The following FAM20C variants were observed in gnomAD, a reference collection of about 807,000 sequenced individuals.
FAM20C encodes the protein extracellular serine/threonine protein kinase FAM20C.
FAM20C carries 40 observed loss-of-function variants against 51.5 expected under a neutral mutation model. The observed-to-expected ratio is 0.78, with a 90% confidence interval of 0.60 to 1.01. The LOEUF (loss-of-function observed/expected upper bound fraction) is 1.01. Among genes scored for constraint, FAM20C ranks in the 50% least tolerant of loss-of-function variants. The pLI is 0.00. For missense variants in FAM20C, 861 were observed against 844.7 expected (o/e 1.02, Z -0.24); for synonymous variants, 406 against 380.6 (o/e 1.07, Z -0.78).
Position 258,651 on chromosome 7 carries a change from G to T in FAM20C, c.1451G>T (p.Gly484Val), listed in dbSNP as rs1332649309. The change falls in exon 9 of 10, where the codon GGG (glycine) becomes GTG (valine). Residue 484 changes from glycine to valine, a missense_variant. Coordinates refer to ENST00000313766, the MANE Select transcript of FAM20C (RefSeq NM_020223.4). Reference sequence around the variant, plus strand: ...TTCTGCTTTTCTTCTGGAAGGTTTGGGAAGTATTCGCACGACGAGCTCTCC... The same window carrying T: ...TTCTGCTTTTCTTCTGGAAGGTTTGTGAAGTATTCGCACGACGAGCTCTCC... ...IIHLDNGRGF[G>V]KYSHDELSIL... The T allele has an allele frequency of 2.0e-6, 3 of 1,536,772 alleles. No individual in the cohort carries two copies. In the South Asian group the frequency reaches 3.6e-5, roughly 18 times the overall value.
chr7:201,696 T>C (rs1583281277), intron 2 of FAM20C, among the ~76,000 whole-genome samples: 2 of 152,340 alleles, frequency 1.3e-5, no homozygotes. Context: ...CATCTTTCTA[T>C]GTAAGACGCT....
At chr7:241,972 G>C (rs1206282187) in intron 3 of FAM20C, among the ~76,000 whole-genome samples, 2 of 152,296 alleles carry the variant, frequency 1.3e-5, no homozygotes, top group East Asian at 3.9e-4. Context: ...TGGGTGGTTA[G>C]AACTAAACCA....
chr7:223,526 C>T (rs569383298), intron 3 of FAM20C, among the ~76,000 whole-genome samples: 214 of 152,294 alleles, frequency 1.4e-3, no homozygotes, highest in Non-Finnish European at 2.1e-3. Context: ...GAGGGGCAGG[C>T]GGGCACATGG....
chr7:260,214 C>A lies in FAM20C; in HGVS notation c.*234C>A. 2 of 505,774 alleles carry A rather than the reference C, an allele frequency of 4.0e-6. No homozygotes were observed. The highest frequency in any genetic ancestry group is 6.6e-6 in the Non-Finnish European group (2 of 302,562). 31.3% of individuals were successfully genotyped at this position (505,774 alleles called of 1,614,324 possible). Reference sequence around the variant, plus strand: ...GTCTGTGCTCACGGACAGAGGCGGCCGGCGCCGGAGGCATTCCATCCTTTC... The same window carrying A: ...GTCTGTGCTCACGGACAGAGGCGGCAGGCGCCGGAGGCATTCCATCCTTTC... On this transcript the variant is annotated 3_prime_UTR_variant, in exon 10 of 10. Coordinates refer to ENST00000313766, the MANE Select transcript of FAM20C (RefSeq NM_020223.4).
chr7:243,938 A>ATTATTATTATTATTATT (rs1554254448), intron 3 of FAM20C, among the ~76,000 whole-genome samples: 3 of 113,174 alleles, frequency 2.7e-5, no homozygotes, highest in African/African-American at 9.4e-5. Flanking sequence ...TAATAATAAT[A>ATTATTATTATTATTATT]ATAATAATTA....
intron 3 of FAM20C, among the ~76,000 whole-genome samples, chr7:209,696 G>A (rs774369261): frequency 3.3e-5 from 5 of 152,206 alleles, no homozygotes; most frequent in African/African-American, 7.2e-5. Context: ...AGGGGCCAGC[G>A]GCCTGTCAGC....
At position 227,202 on chromosome 7, in the gene FAM20C, G is replaced by A. The variant is rs376747475; in HGVS notation, c.863+18226G>A. On this transcript the variant is annotated intron_variant, in intron 3 of 9. Transcript: ENST00000313766. Reference sequence around the variant, plus strand: ...ATTTTCTCCAGTTATGACGGTCGCCGGGGTGCCGCTAGTGTGTGGGCCATC... The same window carrying A: ...ATTTTCTCCAGTTATGACGGTCGCCAGGGTGCCGCTAGTGTGTGGGCCATC... Among the ~76,000 whole-genome samples the A allele has an allele frequency of 7.6e-4, 116 of 152,072 alleles. 1 individual carries two copies. The highest frequency in any genetic ancestry group is 6.2e-4 in the Non-Finnish European group (42 of 67,996).
chr7:201,315 G>A (rs555541565), intron 2 of FAM20C, among the ~76,000 whole-genome samples: 17 of 152,320 alleles, frequency 1.1e-4, no homozygotes, highest in South Asian at 4.1e-4. Flanking sequence ...CCACGCTGAC[G>A]GCAGCATCTC....
chr7:222,082 G>T (rs1285952730), intron 3 of FAM20C, among the ~76,000 whole-genome samples: 1 of 104,678 alleles, frequency 9.6e-6, no homozygotes, highest in Non-Finnish European at 2.2e-5. Flanking sequence ...GGCTGCAGGA[G>T]CCGTTCTTAG....
chr7:244,892 A>AC (rs1788086035), intron 3 of FAM20C, among the ~76,000 whole-genome samples: 1 of 151,944 alleles, frequency 6.6e-6, no homozygotes, highest in South Asian at 2.1e-4. Flanking sequence ...CACATCTTTA[A>AC]CCCCCCATAA....
At chr7:201,802 A>G (rs890179772) in intron 2 of FAM20C, among the ~76,000 whole-genome samples, 12 of 152,124 alleles carry the variant, frequency 7.9e-5, no homozygotes, top group African/African-American at 2.9e-4. Context: ...CCGGGGAGAG[A>G]CTGTGGGCAA....
intron 3 of FAM20C, among the ~76,000 whole-genome samples, chr7:223,929 C>T (rs1364064637): frequency 6.6e-6 from 1 of 152,146 alleles, no homozygotes; most frequent in Non-Finnish European, 1.5e-5. Flanking sequence ...CCCTGAGGGG[C>T]ACCTGGGACC....
chr7:223,061 A>G (rs1273228558), intron 3 of FAM20C, among the ~76,000 whole-genome samples: 1 of 151,914 alleles, frequency 6.6e-6, no homozygotes, highest in African/African-American at 2.4e-5. Flanking sequence ...GTGCACACTC[A>G]TGCACGTGTG....
intron 3 of FAM20C, among the ~76,000 whole-genome samples, chr7:220,427 C>CAT (rs56054964): frequency 0.87 from 133,098 of 152,132 alleles, 58,509 homozygotes; most frequent in South Asian, 0.92. Flanking sequence ...GGTCAACGCA[C>CAT]GTGAACAAAT....
intron 5 of FAM20C, among the ~76,000 whole-genome samples, chr7:254,401 C>A (rs1788514135): frequency 6.6e-6 from 1 of 152,238 alleles, no homozygotes; most frequent in Admixed American, 6.5e-5. Context: ...CCCAACAAAA[C>A]CACGTTCTCA....
intron 3 of FAM20C, among the ~76,000 whole-genome samples, chr7:223,283 G>C (rs1416953467): frequency 1.3e-5 from 2 of 152,198 alleles, no homozygotes; most frequent in African/African-American, 4.8e-5. Flanking sequence ...CGTGTTGTCA[G>C]ATCGTCCGCT....
At chr7:211,918 G>A (rs886397785) in intron 3 of FAM20C, among the ~76,000 whole-genome samples, 3 of 150,896 alleles carry the variant, frequency 2.0e-5, no homozygotes, top group African/African-American at 7.4e-5. Context: ...CTCCCAGCTC[G>A]GTCCTCTCAC....
rs1330514508 is a variant in FAM20C, at chr7:246,420, C to T, written c.869C>T (p.Thr290Met). Residue 290 changes from threonine to methionine, a missense_variant, in exon 4 of 10, where the codon ACG becomes ATG. Physicochemically the swap from Thr to Met is moderately conservative, Grantham distance 81. This residue lies in a region of FAM20C where 561 missense variants were observed against 499.8 expected (regional missense o/e 1.12). Coordinates refer to ENST00000313766, the MANE Select transcript of FAM20C (RefSeq NM_020223.4). ...TTTCTGTCTTGTTTTCTCAGACAAA[C>T]GAGGGAGCAGGAGACACCCCCTGAC... Reference protein sequence around the residue: ...GQALFKPMKQTREQETPPDFF... With the variant: ...GQALFKPMKQMREQETPPDFF... The T allele has an allele frequency of 1.6e-5, 22 of 1,403,518 alleles. No homozygotes were observed. The highest frequency in any genetic ancestry group is 1.8e-4 in the Middle Eastern group (1 of 5,498). The allele number at this position is 1,403,518 out of a possible 1,614,324, so 86.9% of individuals were successfully genotyped here.
intron 2 of FAM20C, among the ~76,000 whole-genome samples, chr7:208,480 TG>T (rs1786545465): frequency 3.6e-4 from 44 of 123,796 alleles, no homozygotes; most frequent in South Asian, 7.8e-4. Context: ...AGTCAGGCCC[TG>T]TGTCTGTGGG....
Sources: allele counts gnomAD v4.1 joint callset (sites outside exome capture counted in the v4.1 genomes callset), GRCh38; gene constraint gnomAD v4.1.1; regional missense constraint gnomAD v4.1.1; transcripts MANE v1.5; gene names NCBI Gene and HGNC (gene_info 2026-07-23, HGNC 2026-07-21).